The following NRG3 variants were observed in gnomAD, a reference collection of about 807,000 sequenced individuals.
NRG3 encodes pro-neuregulin-3, membrane-bound isoform.
Under a neutral mutation model 66.9 loss-of-function variants are expected in NRG3, and 31 were observed. That is an observed-to-expected ratio of 0.46 (90% CI 0.35 to 0.63). The LOEUF (loss-of-function observed/expected upper bound fraction) is 0.63. Ranked by LOEUF, NRG3 falls within the 20% of genes least tolerant of loss-of-function variation. The pLI is 0.00. For missense variants in NRG3, 910 were observed against 878.9 expected, an observed-to-expected ratio of 1.04 and a Z score of -0.45; for synonymous variants, 393 against 359.4, an observed-to-expected ratio of 1.09 and a Z score of -1.06.
chr10:82,208,857 T>G (rs1055098566), intron 1 of NRG3, among the ~76,000 whole-genome samples: 1 of 152,150 alleles, frequency 6.6e-6, no homozygotes, highest in Non-Finnish European at 1.5e-5. Flanking sequence ...CAGAATTGTT[T>G]TGGGTAGTTG....
At chr10:81,898,363 A>G (rs1419075554) in intron 1 of NRG3, among the ~76,000 whole-genome samples, 3 of 152,178 alleles carry the variant, frequency 2.0e-5, no homozygotes, top group Non-Finnish European at 4.4e-5. Context: ...GGTAAAGGAC[A>G]ACTTCCCAGA....
intron 1 of NRG3, among the ~76,000 whole-genome samples, chr10:82,069,172 A>G (rs1032529321): frequency 1.3e-5 from 2 of 152,208 alleles, no homozygotes; most frequent in African/African-American, 4.8e-5. Context: ...ATGGCTGTGC[A>G]GGCCTACTAG....
Position 82,975,572 on chromosome 10 carries a change from C to T in NRG3, c.1412+1657C>T, listed in dbSNP as rs188975902. ...AGTATCTGTTGGCATACACTGTGTCCTGATAGATGGGCAAGCGTTGACTTA... is the reference window on the plus strand; with the variant it reads ...AGTATCTGTTGGCATACACTGTGTCTTGATAGATGGGCAAGCGTTGACTTA... On this transcript the variant is annotated intron_variant, in intron 7 of 8. Coordinates refer to ENST00000372141, the MANE Select transcript of NRG3 (RefSeq NM_001010848.4). 2.6e-5 allele frequency among the ~76,000 whole-genome samples: 4 copies of T among 152,232 alleles called. No homozygotes were observed. In the East Asian group the frequency reaches 7.7e-4, roughly 29 times the overall value.
rs551029948 is a variant in NRG3 at position 81,980,841 on chromosome 10, A to C, written c.823+104678A>C. ...CACCTTCTTGCTGTGTCCTCACATG[A>C]TCTTTTCTTTTGTGCACACACATCT... is the stretch of plus-strand genomic sequence containing the variant. On this transcript the variant is annotated intron_variant, in intron 1 of 8. Transcript: ENST00000372141. Among the ~76,000 whole-genome samples the C allele has an allele frequency of 1.1e-4, 16 of 152,182 alleles. No homozygotes were observed. In the South Asian group the frequency reaches 3.1e-3, roughly 30 times the overall value.
intron 1 of NRG3, among the ~76,000 whole-genome samples, chr10:82,169,067 C>G (rs1283134512): frequency 6.6e-6 from 1 of 152,064 alleles, no homozygotes; most frequent in Non-Finnish European, 1.5e-5. Flanking sequence ...GTACTGTATT[C>G]AGCTTACCAT....
chr10:82,123,194 G>A (rs758063468), intron 1 of NRG3, among the ~76,000 whole-genome samples: 21 of 152,162 alleles, frequency 1.4e-4, no homozygotes, highest in Middle Eastern at 3.4e-3. Flanking sequence ...CTCAGTAATT[G>A]AAAGGCATAT....
chr10:82,337,529 A>G (rs1284143924), intron 1 of NRG3, among the ~76,000 whole-genome samples: 2 of 152,212 alleles, frequency 1.3e-5, no homozygotes, highest in East Asian at 1.9e-4. Flanking sequence ...TTGCTTGGTC[A>G]TATGGTAACT....
intron 1 of NRG3, among the ~76,000 whole-genome samples, chr10:81,980,623 G>T (rs1482159876): frequency 6.6e-6 from 1 of 152,178 alleles, no homozygotes; most frequent in Non-Finnish European, 1.5e-5. Flanking sequence ...TCAGTTTTCA[G>T]AATTTTCATT....
At chr10:82,120,088 C>G (rs1481804389) in intron 1 of NRG3, among the ~76,000 whole-genome samples, 1 of 152,106 alleles carries the variant, frequency 6.6e-6, no homozygotes, top group Non-Finnish European at 1.5e-5. Context: ...TTATGATGGT[C>G]TGTTGGATAA....
intron 1 of NRG3, among the ~76,000 whole-genome samples, chr10:82,295,843 CT>C (rs1292302324): frequency 3.3e-5 from 5 of 151,924 alleles, no homozygotes; most frequent in African/African-American, 1.2e-4. Flanking sequence ...TCAACAAATA[CT>C]TATTGAATTG....
At chr10:81,920,534 G>A (rs1272534963) in intron 1 of NRG3, among the ~76,000 whole-genome samples, 1 of 152,056 alleles carries the variant, frequency 6.6e-6, no homozygotes, top group Non-Finnish European at 1.5e-5. Flanking sequence ...TCAATTTGTT[G>A]TGAACTTTTC....
intron 1 of NRG3, among the ~76,000 whole-genome samples, chr10:82,035,306 C>T (rs964100886): frequency 3.3e-5 from 5 of 152,120 alleles, no homozygotes; most frequent in African/African-American, 9.7e-5. Flanking sequence ...TTTATTTTAA[C>T]TCCCTGTGGT....
intron 1 of NRG3, among the ~76,000 whole-genome samples, chr10:81,886,007 C>A (rs1842584902): frequency 6.6e-6 from 1 of 152,058 alleles, no homozygotes; most frequent in Non-Finnish European, 1.5e-5. Flanking sequence ...AAAAAACTAA[C>A]ACATTTCGGG....
At chr10:82,376,942 T>A (rs2085281045) in intron 2 of NRG3, among the ~76,000 whole-genome samples, 1 of 152,222 alleles carries the variant, frequency 6.6e-6, no homozygotes, top group African/African-American at 2.4e-5. Context: ...AATTGAATAC[T>A]AAGAGTGAAA....
At chr10:81,986,105 T>C (rs1011781624) in intron 1 of NRG3, among the ~76,000 whole-genome samples, 2 of 152,198 alleles carry the variant, frequency 1.3e-5, no homozygotes, top group Non-Finnish European at 2.9e-5. Flanking sequence ...GGGCACAGTT[T>C]ATTTTATATT....
chr10:82,629,077 TA>T (rs2049628456), intron 2 of NRG3, among the ~76,000 whole-genome samples: 1 of 152,106 alleles, frequency 6.6e-6, no homozygotes, highest in Non-Finnish European at 1.5e-5. Flanking sequence ...TTGGGGAGGA[TA>T]AAACTACTGA....
chr10:82,469,668 G>C (rs1841043052), intron 2 of NRG3, among the ~76,000 whole-genome samples: 2 of 152,188 alleles, frequency 1.3e-5, no homozygotes, highest in Admixed American at 1.3e-4. Flanking sequence ...TAGGAGCCAA[G>C]CTATTCCTCT....
intron 3 of NRG3, among the ~76,000 whole-genome samples, chr10:82,808,643 AC>A (rs2061378802): frequency 6.6e-6 from 1 of 152,208 alleles, no homozygotes; most frequent in Non-Finnish European, 1.5e-5. Flanking sequence ...TTCTGCAATG[AC>A]AAAACTTTTA....
chr10:82,129,378 T>C (rs2132472382), intron 1 of NRG3, among the ~76,000 whole-genome samples: 1 of 152,326 alleles, frequency 6.6e-6, no homozygotes, highest in East Asian at 1.9e-4. Flanking sequence ...CCTTTCATTC[T>C]GGTTTCCTTA....
Sources: gnomAD v4.1 joint callset for allele counts (sites outside exome capture counted in the v4.1 genomes callset) on GRCh38, gnomAD v4.1.1 for gene constraint, MANE v1.5 for transcripts, NCBI Gene and HGNC (gene_info 2026-07-23, HGNC 2026-07-21) for gene names.